The following FAM149B1 variants were observed in gnomAD, a reference collection of about 807,000 sequenced individuals.
The protein encoded by FAM149B1 is primary cilium assembly protein FAM149B1.
A neutral mutation model predicts 75.3 loss-of-function variants in FAM149B1; 56 were observed. The ratio of observed to expected loss-of-function variants is 0.74; its 90% CI spans 0.60 to 0.93. The LOEUF (loss-of-function observed/expected upper bound fraction) is 0.93, where lower values mean the gene tolerates loss of function less well. FAM149B1 is among the 40% of genes least tolerant of loss of function. The probability of loss-of-function intolerance (pLI) is 0.00; values close to 1 mark genes in which losing one functional copy is unlikely to be tolerated. For synonymous variants in FAM149B1, 259 were observed against 256.1 expected, an observed-to-expected ratio of 1.01 and a Z score of -0.11; for missense variants, 639 against 708.4, an observed-to-expected ratio of 0.90 and a Z score of 1.11.
At position 73,243,115 on chromosome 10, in the gene FAM149B1, G is replaced by C. The variant is rs2043972283; in HGVS notation, c.*2096G>C. 2.6e-6 allele frequency: 1 copy of C among 378,824 alleles called. No homozygotes were observed. Among genetic ancestry groups the C allele is most frequent in the African/African-American group, 2.1e-5 (1 of 47,938 alleles). 23.5% of individuals were successfully genotyped at this position (378,824 alleles called of 1,614,324 possible). A position where few individuals can be genotyped will look rare whatever the true frequency, so the allele number is the denominator to read the frequency against. On this transcript the variant is annotated 3_prime_UTR_variant, in exon 14 of 14. Coordinates refer to ENST00000242505, the MANE Select transcript of FAM149B1 (RefSeq NM_173348.2). ...CTAGATAAGAGTTCTGTGTACAGAA[G>C]ATCCATGGAGGCAAGTGCTGTCAGG...
At chr10:73,177,696 TTTCAAG>T (rs1185923474) in intron 2 of FAM149B1, 144 bp from the exon 3 acceptor site, 5 of 667,034 alleles carry the variant, frequency 7.5e-6, no homozygotes, top group Non-Finnish European at 1.2e-5. Context: ...AATGCTCAAA[TTTCAAG>T]TTCTTCATTT....
chr10:73,232,196 ATGTCCTCT>A (rs2043722134), intron 9 of FAM149B1, among the ~76,000 whole-genome samples: 1 of 151,678 alleles, frequency 6.6e-6, no homozygotes. Flanking sequence ...AAATAGTCAA[ATGTCCTCT>A]CACTTGCTTT....
chr10:73,230,666 G>C, intron 9 of FAM149B1, 141 bp downstream of exon 9: 1 of 586,690 alleles, frequency 1.7e-6, no homozygotes. Context: ...CAAGGGACAT[G>C]GTCTCCACCA....
chr10:73,243,589 G>A lies in FAM149B1; in HGVS notation c.*2570G>A. Reference sequence around the variant, plus strand: ...GACAGAAAGTACCTAGTGGTTGCCAGGGGCTGGAAAAGTGGAATAACTACT... The same window carrying A: ...GACAGAAAGTACCTAGTGGTTGCCAAGGGCTGGAAAAGTGGAATAACTACT... On this transcript the variant is annotated 3_prime_UTR_variant, in exon 14 of 14. Coordinates refer to ENST00000242505, the MANE Select transcript of FAM149B1 (RefSeq NM_173348.2). 1 of 1,589,602 alleles carries A rather than the reference G, an allele frequency of 6.3e-7. No individual in the cohort carries two copies. Among genetic ancestry groups the A allele is most frequent in the Non-Finnish European group, 8.6e-7 (1 of 1,167,798 alleles).
In FAM149B1 at chr10:73,241,062, T is replaced by A; in HGVS notation, c.*43T>A. ...TATCAGGCTGCAGGAAACACGAGAT[T>A]TCATGAAGCAGTATTCAGTCATCAA... On this transcript the variant is annotated 3_prime_UTR_variant, in exon 14 of 14. Coordinates refer to ENST00000242505, the MANE Select transcript of FAM149B1 (RefSeq NM_173348.2). 1 of 1,103,598 alleles carries A rather than the reference T, an allele frequency of 9.1e-7. No homozygotes were observed. Among genetic ancestry groups the A allele is most frequent in the Non-Finnish European group, 1.3e-6 (1 of 742,480 alleles). 68.4% of individuals were successfully genotyped at this position (1,103,598 alleles called of 1,614,324 possible). A position where few individuals can be genotyped will look rare whatever the true frequency, so the allele number is the denominator to read the frequency against.
intron 5 of FAM149B1, among the ~76,000 whole-genome samples, chr10:73,196,482 GA>G (rs1209555551): frequency 6.6e-6 from 1 of 152,100 alleles, no homozygotes; most frequent in Non-Finnish European, 1.5e-5. Flanking sequence ...TTTGTTGTGA[GA>G]CGTATGAAGA....
chr10:73,178,871 T>C (rs2133307255), intron 3 of FAM149B1, among the ~76,000 whole-genome samples: 1 of 152,352 alleles, frequency 6.6e-6, no homozygotes, highest in African/African-American at 2.4e-5. Context: ...AAAATATTAT[T>C]TTTAAAAGAC....
In FAM149B1 at chr10:73,192,551, T is replaced by A; in HGVS notation, c.283-5T>A. 1 of 1,549,686 alleles carries A rather than the reference T, an allele frequency of 6.5e-7. No individual in the cohort carries two copies. Among genetic ancestry groups the A allele is most frequent in the Non-Finnish European group, 8.7e-7 (1 of 1,146,472 alleles). ...TAAATATTTGGGGGGAATATTTTCT[T>A]CTAGGAACTCGATCAAAATGCCACT... On this transcript the variant is annotated splice_region_variant and splice_polypyrimidine_tract_variant and intron_variant, in intron 3 of 13. Transcript: ENST00000242505.
Position 73,193,474 on chromosome 10 carries a change from A to G in FAM149B1, c.426-3A>G. ...ATTGTGTCTGTGTTTCTTCATTTTGAAGGATTCTAGGTAGGCAGATAATCA... is the reference window on the plus strand; with the variant it reads ...ATTGTGTCTGTGTTTCTTCATTTTGGAGGATTCTAGGTAGGCAGATAATCA... On this transcript the variant is annotated splice_polypyrimidine_tract_variant and splice_region_variant and intron_variant, in intron 4 of 13. Coordinates refer to ENST00000242505, the MANE Select transcript of FAM149B1 (RefSeq NM_173348.2). The G allele has an allele frequency of 6.5e-7, 1 of 1,544,208 alleles. No individual in the cohort carries two copies. Among genetic ancestry groups the G allele is most frequent in the Non-Finnish European group, 8.7e-7 (1 of 1,144,548 alleles).
At chr10:73,219,004 G>A (rs931201478) in intron 7 of FAM149B1, among the ~76,000 whole-genome samples, 1 of 152,064 alleles carries the variant, frequency 6.6e-6, no homozygotes, top group African/African-American at 2.4e-5. Flanking sequence ...TAAATAACAA[G>A]TGTCTCCCTC....
chr10:73,220,175 A>G lies in FAM149B1; in HGVS notation c.899-7885A>G, dbSNP rs116914585. ...ACATCGTTAGTCATTAGGGAAGTGC[A>G]AATAAAAACCACAACGAGATACCAC... On this transcript the variant is annotated intron_variant, in intron 7 of 13. Coordinates refer to ENST00000242505, the MANE Select transcript of FAM149B1 (RefSeq NM_173348.2). Among the ~76,000 whole-genome samples, 88 of 152,262 alleles carry G rather than the reference A, an allele frequency of 5.8e-4. 1 individual carries two copies. Among genetic ancestry groups the G allele is most frequent in the Non-Finnish European group, 1.0e-3 (68 of 68,020 alleles).
chr10:73,240,608 G>A (rs894567986), intron 13 of FAM149B1, among the ~76,000 whole-genome samples: 12 of 151,956 alleles, frequency 7.9e-5, no homozygotes, highest in East Asian at 5.8e-4. Flanking sequence ...GCTACTCGGG[G>A]GACTGAGGCA....
chr10:73,181,437 G>T (rs1042932020), intron 3 of FAM149B1, among the ~76,000 whole-genome samples: 1 of 152,124 alleles, frequency 6.6e-6, no homozygotes, highest in African/African-American at 2.4e-5. Context: ...CATAGGTTTG[G>T]ATATGTTGTG....
intron 7 of FAM149B1, among the ~76,000 whole-genome samples, chr10:73,222,432 T>C (rs774951787): frequency 1.3e-5 from 2 of 152,198 alleles, no homozygotes; most frequent in Non-Finnish European, 2.9e-5. Context: ...CACTTTTTTT[T>C]TTCCTAGCCT....
At chr10:73,226,485 A>G (rs7070011) in intron 7 of FAM149B1, among the ~76,000 whole-genome samples, 15,927 of 152,146 alleles carry the variant, frequency 0.1, 1,215 homozygotes, top group East Asian at 0.31. Context: ...AGCCTGGGCA[A>G]CAGAGCGAGA....
Position 73,210,282 on chromosome 10 carries a change from G to A in FAM149B1, c.742G>A (p.Ala248Thr). The change falls in exon 7 of 14, where the codon GCA becomes ACA. Residue 248 changes from alanine (A) to threonine (T), a missense_variant. Coordinates refer to ENST00000242505, the MANE Select transcript of FAM149B1 (RefSeq NM_173348.2). The part of the protein sequence containing the change: ...EEGFHGKKSE[A>T]ATEKQKLGYP... ...GGGATTTCATGGGAAGAAATCAGAA[G>A]CAGCTACAGAGAAACAGAAATTAGG... 1 of 1,551,322 alleles carries A rather than the reference G, an allele frequency of 6.4e-7. No individual in the cohort carries two copies. Among genetic ancestry groups the A allele is most frequent in the South Asian group, 1.2e-5 (1 of 84,032 alleles).
rs1289414290 is a variant in FAM149B1 at position 73,201,170 on chromosome 10, G to C, written c.543-7449G>C. On this transcript the variant is annotated intron_variant, in intron 5 of 13. Transcript: ENST00000242505. ...GCAAGAGGATTCTTCGTGACACTGA[G>C]ATTTGTATGCAATACTACAGTGAAG... The C allele has an allele frequency of 9.2e-5, 25 of 271,396 alleles. No homozygotes were observed. In the East Asian group the frequency reaches 2.3e-3, roughly 25 times the overall value. 16.8% of individuals were successfully genotyped at this position (271,396 alleles called of 1,614,324 possible).
At chr10:73,194,651 C>T (rs560907700) in intron 5 of FAM149B1, among the ~76,000 whole-genome samples, 1 of 150,520 alleles carries the variant, frequency 6.6e-6, no homozygotes, top group African/African-American at 2.5e-5. Context: ...GCATGAACCA[C>T]CGCACCCAGA....
At chr10:73,193,009 A>G (rs2042718551) in intron 4 of FAM149B1, among the ~76,000 whole-genome samples, 1 of 152,238 alleles carries the variant, frequency 6.6e-6, no homozygotes, top group Non-Finnish European at 1.5e-5. Flanking sequence ...ACACTGTTGT[A>G]TACAATTAAA....
Sources: allele counts gnomAD v4.1 joint callset (sites outside exome capture counted in the v4.1 genomes callset), GRCh38; gene constraint gnomAD v4.1.1; transcripts MANE v1.5; gene names NCBI Gene and HGNC (gene_info 2026-07-23, HGNC 2026-07-21).